Variants in CNDP1 observed in about 807,000 individuals in gnomAD.
CNDP1 encodes carnosine dipeptidase 1.
Under a neutral mutation model 58.1 loss-of-function variants are expected in CNDP1, and 44 were observed. That is an observed-to-expected ratio of 0.76 (90% confidence interval 0.60 to 0.97). The LOEUF (loss-of-function observed/expected upper bound fraction) is 0.97. CNDP1 is among the 50% of genes least tolerant of loss of function. The pLI is 0.00. For synonymous variants in CNDP1, 254 were observed against 252.6 expected (o/e 1.01, Z -0.05); for missense variants, 616 against 655.1 (o/e 0.94, Z 0.65).
chr18:74,552,654 TACC>T (rs1980940220), intron 1 of CNDP1, among the ~76,000 whole-genome samples: 1 of 152,260 alleles, frequency 6.6e-6, no homozygotes, highest in East Asian at 1.9e-4. Flanking sequence ...CAGTGAAATA[TACC>T]ACATTTTATT....
rs78939422 is a variant in CNDP1 at position 74,542,150 on chromosome 18, G to A, written c.24+7459G>A. On this transcript the variant is annotated intron_variant, in intron 1 of 11. Transcript: ENST00000358821. ...GTCTTGTTACCCAACTCTGTACCTTGTACTGCAGGCCAGAGGTGTGCGCAG... is the reference window on the plus strand; with the variant it reads ...GTCTTGTTACCCAACTCTGTACCTTATACTGCAGGCCAGAGGTGTGCGCAG... 7.6e-3 allele frequency among the ~76,000 whole-genome samples: 1,164 copies of A among 152,312 alleles called. 31 individuals are homozygous for A. Among genetic ancestry groups the A allele is most frequent in the Admixed American group, 0.042 (648 of 15,300 alleles).
intron 7 of CNDP1, among the ~76,000 whole-genome samples, chr18:74,572,156 G>A (rs749628979): frequency 3.3e-5 from 5 of 152,024 alleles, no homozygotes; most frequent in Admixed American, 2.0e-4. Flanking sequence ...CGAGTTCCCC[G>A]ATTGTCCTGG....
intron 1 of CNDP1, among the ~76,000 whole-genome samples, chr18:74,555,918 C>G (rs146829953): frequency 6.6e-6 from 1 of 152,294 alleles, no homozygotes; most frequent in East Asian, 1.9e-4. Flanking sequence ...CTCAGAAATT[C>G]TTTTGTCTAA....
At chr18:74,549,249 A>G (rs4891560) in intron 1 of CNDP1, among the ~76,000 whole-genome samples, 21,878 of 152,152 alleles carry the variant, frequency 0.14, 1,725 homozygotes, top group Middle Eastern at 0.2. Context: ...GTAATTTTCA[A>G]CTGCTGAAAA....
At position 74,545,079 on chromosome 18, in the gene CNDP1, C is replaced by T. The variant is rs147038768; in HGVS notation, c.24+10388C>T. On this transcript the variant is annotated intron_variant, in intron 1 of 11. Coordinates refer to ENST00000358821, the MANE Select transcript of CNDP1 (RefSeq NM_032649.6). The surrounding 1 kb of genome is among the most constrained non-coding windows in gnomAD (Gnocchi z 4.1). The stretch of plus-strand genomic sequence containing the variant: ...AGGACCCTCCCCTAGAGCCTGCAGA[C>T]GGAGCCCAGCCCTGCCAACACGTGA... 5.3e-5 allele frequency among the ~76,000 whole-genome samples: 8 copies of T among 152,152 alleles called. No individual in the cohort carries two copies. The highest frequency in any genetic ancestry group is 1.3e-4 in the Admixed American group (2 of 15,288).
In CNDP1 at chr18:74,584,555, T is replaced by C; in HGVS notation, c.1517T>C (p.Leu506Pro). ...GCCTTTTTCTTAGAGATGGCCCAGC[T>C]CCATTAATCACAAGAACCTTCTAGT... ...FAAFFLEMAQLH is the reference protein window; with the variant it reads ...FAAFFLEMAQPH The change falls in exon 12 of 12, where the codon CTC becomes CCC. Residue 506 changes from leucine (L) to proline (P), a missense_variant. Transcript: ENST00000358821. 1 of 1,613,204 alleles carries C rather than the reference T, an allele frequency of 6.2e-7. No individual in the cohort carries two copies. Among genetic ancestry groups the C allele is most frequent in the Non-Finnish European group, 8.5e-7 (1 of 1,179,136 alleles).
chr18:74,575,542 C>T (rs567333454), intron 7 of CNDP1, among the ~76,000 whole-genome samples: 1 of 152,164 alleles, frequency 6.6e-6, no homozygotes, highest in African/African-American at 2.4e-5. Flanking sequence ...TACTAAATCT[C>T]AACATCTGCT....
intron 6 of CNDP1, among the ~76,000 whole-genome samples, chr18:74,570,288 A>C (rs1041779085): frequency 2.0e-5 from 3 of 151,948 alleles, no homozygotes; most frequent in Non-Finnish European, 4.4e-5. Flanking sequence ...TTAATGAACC[A>C]GTCCAGGGAG....
In CNDP1 at chr18:74,584,658, G is replaced by A. The variant is rs1310413641; in HGVS notation, c.*96G>A. 1.1e-6 allele frequency: 1 copy of A among 919,088 alleles called. No homozygotes were observed. The highest frequency in any genetic ancestry group is 1.8e-6 in the Non-Finnish European group (1 of 557,878). The allele number at this position is 919,088 out of a possible 1,614,324, so 56.9% of individuals were successfully genotyped here. On this transcript the variant is annotated 3_prime_UTR_variant, in exon 12 of 12. Transcript: ENST00000358821. ...GAATGTAAATATCCAGAGAATTTGGGTCTAGTATAGTACATTTTCCCTTCC... is the reference window on the plus strand; with the variant it reads ...GAATGTAAATATCCAGAGAATTTGGATCTAGTATAGTACATTTTCCCTTCC...
At chr18:74,567,181 G>T (rs920912996) in intron 5 of CNDP1, 52 bp from the exon 6 acceptor site, 1 of 1,461,328 alleles carries the variant, frequency 6.8e-7, no homozygotes, top group Non-Finnish European at 9.6e-7. Context: ...TGGGGACACA[G>T]CCAAACCACA....
At position 74,576,978 on chromosome 18, in the gene CNDP1, A is replaced by G; in HGVS notation, c.951A>G (p.Leu317=). ...CATACAAAGCCATCCATCTAGACCTAGAAGAATACCGGAATAGCAGCCGGG... is the reference window on the plus strand; with the variant it reads ...CATACAAAGCCATCCATCTAGACCTGGAAGAATACCGGAATAGCAGCCGGG... ...INTYKAIHLD[L]EEYRNSSRVE... The change falls in exon 8 of 12, where the codon CTA becomes CTG. Residue 317 remains leucine, a synonymous_variant. Coordinates refer to ENST00000358821, the MANE Select transcript of CNDP1 (RefSeq NM_032649.6). The G allele has an allele frequency of 6.2e-7, 1 of 1,613,432 alleles. No individual in the cohort carries two copies. Among genetic ancestry groups the G allele is most frequent in the Non-Finnish European group, 8.5e-7 (1 of 1,179,704 alleles).
chr18:74,568,005 G>A (rs1419765189), intron 6 of CNDP1, among the ~76,000 whole-genome samples: 1 of 152,224 alleles, frequency 6.6e-6, no homozygotes, highest in Non-Finnish European at 1.5e-5. Flanking sequence ...GGATGACTGT[G>A]TCATTACATG....
chr18:74,579,183 C>CCCTTT (rs1206160652), intron 9 of CNDP1, among the ~76,000 whole-genome samples: 2 of 87,364 alleles, frequency 2.3e-5, no homozygotes, highest in Non-Finnish European at 5.1e-5. Flanking sequence ...TCTCCCTTCT[C>CCCTTT]CCTTTCCTTC....
At chr18:74,541,404 C>T (rs891894715) in intron 1 of CNDP1, among the ~76,000 whole-genome samples, 2 of 152,134 alleles carry the variant, frequency 1.3e-5, no homozygotes, top group South Asian at 2.1e-4. Context: ...TCTGCTGGCT[C>T]GGGACCCTGG....
At chr18:74,578,112 G>T (rs1430446381) in intron 8 of CNDP1, 51 bp from the exon 9 acceptor site, 10 of 1,520,236 alleles carry the variant, frequency 6.6e-6, no homozygotes, top group African/African-American at 1.4e-5. Flanking sequence ...AGCAACCCAG[G>T]TCCACTGGGT....
chr18:74,584,320 G>A (rs1981860610), intron 11 of CNDP1, 176 bp from the exon 12 acceptor site: 2 of 582,968 alleles, frequency 3.4e-6, no homozygotes, highest in South Asian at 4.2e-5. Flanking sequence ...TAATAATAAT[G>A]CAATTTTCAC....
At chr18:74,547,108 A>G (rs796562175) in intron 1 of CNDP1, among the ~76,000 whole-genome samples, 1 of 152,220 alleles carries the variant, frequency 6.6e-6, no homozygotes. Flanking sequence ...CTCCGTGCCT[A>G]CAGGAAATCA....
intron 10 of CNDP1, among the ~76,000 whole-genome samples, chr18:74,583,332 T>C (rs1209181123): frequency 6.6e-6 from 1 of 152,186 alleles, no homozygotes; most frequent in East Asian, 1.9e-4. Context: ...AAGTAGGTAA[T>C]TGTGAAGAAG....
At chr18:74,579,311 A>C (rs1007296858) in intron 9 of CNDP1, among the ~76,000 whole-genome samples, 3,459 of 33,586 alleles carry the variant, frequency 0.1, no homozygotes, top group Non-Finnish European at 0.11. Context: ...TCCTCTCCCC[A>C]CTCCCTTCCC....
Sources: allele counts gnomAD v4.1 joint callset (sites outside exome capture counted in the v4.1 genomes callset), GRCh38; gene constraint gnomAD v4.1.1; non-coding constraint Gnocchi (gnomAD v3.1); transcripts MANE v1.5; gene names NCBI Gene and HGNC (gene_info 2026-07-23, HGNC 2026-07-21).